The following CCDC154 variants were observed in gnomAD, a reference collection of about 807,000 sequenced individuals.
CCDC154 encodes the protein coiled-coil domain-containing protein 154.
In CCDC154, 91 loss-of-function variants were observed where a neutral mutation model predicts 87.5. The ratio of observed to expected loss-of-function variants is 1.04; its 90% CI spans 0.88 to 1.24. CCDC154 has a LOEUF of 1.24. Ranked by LOEUF, CCDC154 falls within the 50% of genes most tolerant of loss-of-function variation. The pLI, the probability that CCDC154 is intolerant of heterozygous loss-of-function variation, is 0.00. For missense variants in CCDC154, 903 were observed against 879.2 expected (o/e 1.03, Z -0.34); for synonymous variants, 418 against 400.4 (o/e 1.04, Z -0.52).
Position 1,443,253 on chromosome 16 carries a change from G to C in CCDC154, c.455+8C>G. The stretch of plus-strand genomic sequence containing the variant: ...CTGGGCCTGTGCCCCTAGGTGTGTG[G>C]GGGGTACCTTTTGTCCAGGGCCTGC... On this transcript the variant is annotated splice_region_variant and intron_variant, in intron 4 of 16. Coordinates refer to ENST00000389176, the MANE Select transcript of CCDC154 (RefSeq NM_001143980.3). 1 of 1,548,486 alleles carries C rather than the reference G, an allele frequency of 6.5e-7. No individual in the cohort carries two copies. The highest frequency in any genetic ancestry group is 8.7e-7 in the Non-Finnish European group (1 of 1,146,392).
chr16:1,443,737 T>TGGAGGC (rs1403254344), intron 2 of CCDC154, 42 bp from the exon 3 acceptor site: 1 of 1,302,570 alleles, frequency 7.7e-7, no homozygotes. Flanking sequence ...GTGCCCGCCG[T>TGGAGGC]GGAGGCGGAG....
chr16:1,436,066 A>G lies in CCDC154; in HGVS notation c.1508T>C (p.Leu503Pro), dbSNP rs1344973231. 5 of 1,550,270 alleles carry G rather than the reference A, an allele frequency of 3.2e-6. No homozygotes were observed. Among genetic ancestry groups the G allele is most frequent in the Middle Eastern group, 1.7e-4 (1 of 5,990 alleles). Residue 503 changes from leucine to proline, a missense_variant, in exon 14 of 17, where the codon CTG (leucine) becomes CCG (proline). By Grantham distance (98) the Leu-to-Pro change is moderately conservative. Transcript: ENST00000389176. ...GKAREFKVGA[L>P]RQELATLLSS... ...TAGTAGCGTGGCCAGCTCCTGCCGC[A>G]GGGCCCCAACCTTGAACTCCCTATG... is the stretch of plus-strand genomic sequence containing the variant.
At chr16:1,437,547 G>C (rs28479784) in intron 11 of CCDC154, 5 of 446,066 alleles carry the variant, frequency 1.1e-5, no homozygotes, top group Admixed American at 7.8e-5. Context: ...CCCGCCGTGA[G>C]CTGCCCGCAT....
In CCDC154 at chr16:1,443,856, G is replaced by A. The variant is rs201466139; in HGVS notation, c.164C>T (p.Thr55Ile). 5.3e-4 allele frequency: 692 copies of A among 1,304,352 alleles called. 8 individuals carry two copies. In the Middle Eastern group the frequency reaches 8.7e-3, roughly 16 times the overall value. 80.8% of individuals were successfully genotyped at this position (1,304,352 alleles called of 1,614,324 possible). Residue 55 changes from threonine to isoleucine, a missense_variant, in exon 2 of 17, where the codon ACA becomes ATA. Physicochemically the swap from Thr to Ile is moderately conservative, Grantham distance 89. Transcript: ENST00000389176. ...LSERYESSHP[T>I]STASVPEQDT... ...CTGCTCGGGGACAGAGGCCGTGGAT[G>A]TCGGATGGCTGGACTCATACCTCTC...
chr16:1,440,495 A>AGAG (rs747427876), intron 6 of CCDC154, among the ~76,000 whole-genome samples: 14,148 of 148,672 alleles, frequency 0.095, 803 homozygotes, highest in African/African-American at 0.14. Flanking sequence ...AGAGAACAGA[A>AGAG]AAGAGAAGAG....
intron 2 of CCDC154, 30 bp from the exon 3 acceptor site, chr16:1,443,725 C>T (rs1219381053): frequency 4.6e-6 from 6 of 1,299,722 alleles, no homozygotes; most frequent in South Asian, 2.5e-5. Flanking sequence ...GCGAGTCTGG[C>T]GGTGCCCGCC....
chr16:1,443,043 G>A (rs1272284641), intron 4 of CCDC154, 68 bp from the exon 5 acceptor site: 1 of 1,521,326 alleles, frequency 6.6e-7, no homozygotes, highest in African/African-American at 1.4e-5. Context: ...CTGGGGGTCT[G>A]GCCAAGGGGC....
At chr16:1,443,013 G>A in intron 4 of CCDC154, 38 bp from the exon 5 acceptor site, 1 of 1,547,620 alleles carries the variant, frequency 6.5e-7, no homozygotes, top group East Asian at 2.4e-5. Context: ...GGCCCAGGCG[G>A]GCTGAGCAGC....
Position 1,434,662 on chromosome 16 carries a change from G to T in CCDC154, c.1877+6C>A. On this transcript the variant is annotated splice_donor_region_variant and intron_variant, in intron 16 of 16. Coordinates refer to ENST00000389176, the MANE Select transcript of CCDC154 (RefSeq NM_001143980.3). ...AGGAGGCCGCGCCGGGATCCCTGCT[G>T]CCCACCTCACAGCCTGGTACACGCC... 1 of 1,544,872 alleles carries T rather than the reference G, an allele frequency of 6.5e-7. No homozygotes were observed.
Position 1,438,696 on chromosome 16 carries a change from G to A in CCDC154, c.948C>T (p.Ala316=), listed in dbSNP as rs187437805. The A allele has an allele frequency of 2.6e-3, 3,959 of 1,550,042 alleles. 20 individuals carry two copies. The highest frequency in any genetic ancestry group is 0.015 in the East Asian group (594 of 40,908). ...LLEQCQGLDA[A]VAQLTKFVQQ... is the part of the protein sequence containing the mutation. Reference sequence around the variant, plus strand: ...GCACAAACTTGGTCAGCTGGGCCACGGCAGCATCCAGGCCCTGGCACTGCT... The same window carrying A: ...GCACAAACTTGGTCAGCTGGGCCACAGCAGCATCCAGGCCCTGGCACTGCT... Residue 316 remains alanine, a synonymous_variant, in exon 9 of 17, where the codon GCC becomes GCT. Transcript: ENST00000389176.
intron 11 of CCDC154, 112 bp from the exon 12 acceptor site, chr16:1,436,923 CTCTGAGACATT>C: frequency 7.0e-7 from 1 of 1,422,556 alleles, no homozygotes; most frequent in Non-Finnish European, 9.5e-7. Flanking sequence ...CCACTTCCAG[CTCTGAGACATT>C]TGTGCACAGG....
At position 1,438,747 on chromosome 16, in the gene CCDC154, G is replaced by T. The variant is rs1421157913; in HGVS notation, c.907-10C>A. On this transcript the variant is annotated splice_polypyrimidine_tract_variant and intron_variant, in intron 8 of 16. Coordinates refer to ENST00000389176, the MANE Select transcript of CCDC154 (RefSeq NM_001143980.3). ...CCAGGAGGTGGCTCTCCTGCCAGGG[G>T]GTGGAGGCCGCCCTGAGACCTGCAC... 2 of 1,548,772 alleles carry T rather than the reference G, an allele frequency of 1.3e-6. No individual in the cohort carries two copies. The highest frequency in any genetic ancestry group is 3.9e-5 in the Admixed American group (2 of 50,948).
intron 6 of CCDC154, among the ~76,000 whole-genome samples, chr16:1,440,877 G>C (rs1353794926): frequency 1.3e-5 from 2 of 151,986 alleles, no homozygotes; most frequent in Non-Finnish European, 2.9e-5. Flanking sequence ...TGTGAACGTG[G>C]GAGGCGGAGC....
chr16:1,438,183 G>A lies in CCDC154; in HGVS notation c.1026-7C>T, dbSNP rs753765677. Reference sequence around the variant, plus strand: ...CAAGCGCCCCTTGGCGTCCCTAGGGGTTGGGGACACATAGACACCCTCAGT... The same window carrying A: ...CAAGCGCCCCTTGGCGTCCCTAGGGATTGGGGACACATAGACACCCTCAGT... On this transcript the variant is annotated splice_region_variant and splice_polypyrimidine_tract_variant and intron_variant, in intron 9 of 16. Transcript: ENST00000389176. The A allele has an allele frequency of 2.1e-4, 327 of 1,531,634 alleles. 3 individuals are homozygous for A. The South Asian group carries it at 3.1e-3, about 15-fold the overall frequency. 94.9% of individuals were successfully genotyped at this position (1,531,634 alleles called of 1,614,324 possible).
At chr16:1,443,209 T>G in intron 4 of CCDC154, 52 bp downstream of exon 4, 1 of 1,541,410 alleles carries the variant, frequency 6.5e-7, no homozygotes, top group Non-Finnish European at 8.7e-7. Context: ...CGCTGCTTTC[T>G]CGCCACCACC....
At chr16:1,440,115 T>A (rs916968922) in intron 6 of CCDC154, among the ~76,000 whole-genome samples, 4 of 124,964 alleles carry the variant, frequency 3.2e-5, no homozygotes, top group Non-Finnish European at 4.7e-5. Flanking sequence ...CCACTGTAAC[T>A]CCAGCCTGGG....
At position 1,434,813 on chromosome 16, in the gene CCDC154, G is replaced by A. The variant is rs774278268; in HGVS notation, c.1732C>T (p.Arg578Trp). 8.5e-5 allele frequency: 130 copies of A among 1,534,154 alleles called. No homozygotes were observed. The highest frequency in any genetic ancestry group is 1.0e-4 in the Non-Finnish European group (114 of 1,143,500). ...EMATLWESVL[R>W]LWSEEGPRTP... ...CGCGGGCCCTCCTCACTCCACAGCCGGAGCACACTCTCCCACAGGGTGGCC... is the reference window on the plus strand; with the variant it reads ...CGCGGGCCCTCCTCACTCCACAGCCAGAGCACACTCTCCCACAGGGTGGCC... Residue 578 changes from arginine to tryptophan, a missense_variant, in exon 16 of 17, where the codon CGG becomes TGG. Arg to Trp is a moderately radical substitution (Grantham distance 101). Transcript: ENST00000389176.
chr16:1,444,549 T>C lies in CCDC154; in HGVS notation c.-227A>G. Reference sequence around the variant, plus strand: ...GGGCCGTTCCAGAACCTTCCTTCTCTCCCCAGAACCTCACGGCTTCACAGC... The same window carrying C: ...GGGCCGTTCCAGAACCTTCCTTCTCCCCCCAGAACCTCACGGCTTCACAGC... On this transcript the variant is annotated 5_prime_UTR_variant, in exon 1 of 17. Coordinates refer to ENST00000389176, the MANE Select transcript of CCDC154 (RefSeq NM_001143980.3). 3.0e-6 allele frequency: 1 copy of C among 336,442 alleles called. No homozygotes were observed. The highest frequency in any genetic ancestry group is 5.8e-6 in the Non-Finnish European group (1 of 172,836). The allele number at this position is 336,442 out of a possible 1,614,324, so 20.8% of individuals were successfully genotyped here. A position where few individuals can be genotyped will look rare whatever the true frequency, so the allele number is the denominator to read the frequency against.
At chr16:1,442,611 CAGG>C (rs1293820452) in intron 5 of CCDC154, 82 bp from the exon 6 acceptor site, 2 of 1,431,786 alleles carry the variant, frequency 1.4e-6, no homozygotes, top group Non-Finnish European at 9.2e-7. Flanking sequence ...GCTGGCCAGG[CAGG>C]AGGTGTACGA....
Sources: gnomAD v4.1 joint callset for allele counts (sites outside exome capture counted in the v4.1 genomes callset) on GRCh38, gnomAD v4.1.1 for gene constraint, MANE v1.5 for transcripts, NCBI Gene and HGNC (gene_info 2026-07-23, HGNC 2026-07-21) for gene names.